Variants in ZNF782 observed in about 807,000 individuals in gnomAD.
ZNF782 encodes the protein zinc finger protein 782.
Under a neutral mutation model 13.0 loss-of-function variants are expected in ZNF782, and 12 were observed. That is an observed-to-expected ratio of 0.92 (90% CI 0.59 to 1.50). The LOEUF is 1.50. Among genes scored for constraint, ZNF782 ranks in the 40% most tolerant of loss-of-function variants. The pLI is 0.00. For missense variants in ZNF782, 770 were observed against 822.9 expected (o/e 0.94, Z 0.79); for synonymous variants, 284 against 283.0 (o/e 1.00, Z -0.04).
the ZNF782 span, chr9:96,895,770 C>T: frequency 1.3e-5 from 2 of 152,008 alleles, no homozygotes; most frequent in Admixed American, 6.6e-5. Context: ...TGCAGTGGGT[C>T]GTCTTGTTAT....
At chr9:96,881,702 T>C in the ZNF782 span, among the ~76,000 whole-genome samples, 1 of 152,148 alleles carries the variant, frequency 6.6e-6, no homozygotes, top group Non-Finnish European at 1.5e-5. Context: ...TTGGCACCTC[T>C]GTAGAAAATC....
intron 3 of ZNF782, among the ~76,000 whole-genome samples, chr9:96,847,623 T>A (rs1272154728): frequency 3.3e-5 from 5 of 152,086 alleles, no homozygotes; most frequent in Admixed American, 2.0e-4. Context: ...AGGAAGAAAC[T>A]GAAACCCTGA....
At chr9:96,848,826 C>T (rs1851413366) in intron 3 of ZNF782, among the ~76,000 whole-genome samples, 1 of 152,044 alleles carries the variant, frequency 6.6e-6, no homozygotes, top group African/African-American at 2.4e-5. Context: ...AAAAACAATC[C>T]TAAAATTCAT....
chr9:96,836,229 T>C (rs75967333), intron 4 of ZNF782, among the ~76,000 whole-genome samples: 1 of 151,906 alleles, frequency 6.6e-6, no homozygotes. Context: ...TTTTTTTTTT[T>C]TGAGACCAAG....
rs770587425 is a variant in ZNF782 at position 96,818,902 on chromosome 9, G to T, written c.1121C>A (p.Ser374Tyr). Reference sequence around the variant, plus strand: ...AATCAAGTGTGAATTCATAGAGCAGGATTTCCCACATTCATTATACTCATA... The same window carrying T: ...AATCAAGTGTGAATTCATAGAGCAGTATTTCCCACATTCATTATACTCATA... ...KPYEYNECGK[S>Y]CSMNSHLIWP... is the part of the protein sequence containing the mutation. The change falls in exon 6 of 6, where the codon TCC (serine) becomes TAC (tyrosine). Residue 374 changes from serine to tyrosine, a missense_variant. Coordinates refer to ENST00000481138, the MANE Select transcript of ZNF782 (RefSeq NM_001001662.3). 1.9e-6 allele frequency: 3 copies of T among 1,614,158 alleles called. No individual in the cohort carries two copies. In the Admixed American group the frequency reaches 5.0e-5, roughly 27 times the overall value.
chr9:96,884,408 C>A, the ZNF782 span, among the ~76,000 whole-genome samples: 1 of 152,220 alleles, frequency 6.6e-6, no homozygotes, highest in Non-Finnish European at 1.5e-5. Context: ...AACAACAAGG[C>A]AGAATAGAGT....
At chr9:96,925,501 G>A in the ZNF782 span, among the ~76,000 whole-genome samples, 1 of 151,944 alleles carries the variant, frequency 6.6e-6, no homozygotes, top group Non-Finnish European at 1.5e-5. Context: ...AGCCAGGCGT[G>A]GTGGCGCGCA....
rs780076342 is a variant in ZNF782 at position 96,818,474 on chromosome 9, G to A, written c.1549C>T (p.Leu517=). 20 of 1,613,174 alleles carry A rather than the reference G, an allele frequency of 1.2e-5. No individual in the cohort carries two copies. The highest frequency in any genetic ancestry group is 1.7e-5 in the Non-Finnish European group (20 of 1,179,746). Residue 517 remains leucine, a synonymous_variant, in exon 6 of 6, where the codon CTG becomes TTG. Transcript: ENST00000481138. The stretch of plus-strand genomic sequence containing the variant: ...TGATGTTTCCTCAGGCCTGACTTCA[G>A]TTTGAAAGCTTTCCCACATTCATCA... ...KCDECGKAFK[L]KSGLRKHHRT... is the part of the protein sequence containing the mutation.
chr9:96,832,150 GT>G (rs1391447557), intron 4 of ZNF782, among the ~76,000 whole-genome samples: 1 of 151,272 alleles, frequency 6.6e-6, no homozygotes, highest in Non-Finnish European at 1.5e-5. Context: ...ATTTAATGTA[GT>G]TTTTTTAGTG....
intron 1 of ZNF782, among the ~76,000 whole-genome samples, chr9:96,869,153 G>A (rs997907945): frequency 6.6e-6 from 1 of 151,828 alleles, no homozygotes; most frequent in Admixed American, 6.6e-5. Flanking sequence ...TTAGAAAAAT[G>A]AAAAGCTTCA....
At chr9:96,918,314 G>C in the ZNF782 span, among the ~76,000 whole-genome samples, 7 of 148,124 alleles carry the variant, frequency 4.7e-5, no homozygotes, top group African/African-American at 1.2e-4. Context: ...GGAAGCTGAG[G>C]GGGGAGAATT....
chr9:96,912,916 C>A, the ZNF782 span, among the ~76,000 whole-genome samples: 1 of 151,516 alleles, frequency 6.6e-6, no homozygotes, highest in Non-Finnish European at 1.5e-5. Flanking sequence ...CAACAATAAA[C>A]AGGAATTTTA....
intron 3 of ZNF782, among the ~76,000 whole-genome samples, chr9:96,849,978 G>A (rs578118593): frequency 6.6e-6 from 1 of 152,268 alleles, no homozygotes; most frequent in African/African-American, 2.4e-5. Context: ...ACTCCTGCAA[G>A]AATGGCCCTT....
the ZNF782 span, among the ~76,000 whole-genome samples, chr9:96,931,457 G>A: frequency 5.3e-5 from 8 of 151,798 alleles, no homozygotes; most frequent in East Asian, 9.8e-4. Context: ...AGGGACACCC[G>A]AGGGAGACCC....
the ZNF782 span, among the ~76,000 whole-genome samples, chr9:96,882,627 C>T: frequency 6.6e-6 from 1 of 152,030 alleles, no homozygotes; most frequent in Non-Finnish European, 1.5e-5. Context: ...AATATCAAGC[C>T]TCTAATTGAA....
At chr9:96,855,901 C>T (rs1003556491), upstream of ZNF782, among the ~76,000 whole-genome samples, 5 of 152,206 alleles carry the variant, frequency 3.3e-5, no homozygotes, top group Non-Finnish European at 7.3e-5. Context: ...CTGTTCACTG[C>T]AGCCATGCCA....
intron 4 of ZNF782, among the ~76,000 whole-genome samples, chr9:96,827,721 G>A (rs888713905): frequency 1.3e-5 from 2 of 152,150 alleles, no homozygotes; most frequent in Non-Finnish European, 2.9e-5. Flanking sequence ...GATTTCATAA[G>A]GACTTCCATA....
Position 96,844,968 on chromosome 9 carries a change from ACTC to A in ZNF782, c.61_63del (p.Glu21del). ...CTCTCAACAGGGCCCATGTGCTGCC[ACTC>A]CTCCTGGCTGAATTCCACAGTCACG... On this transcript the variant is annotated inframe_deletion, in exon 4 of 6. Transcript: ENST00000481138. The A allele has an allele frequency of 1.9e-6, 3 of 1,613,588 alleles. No individual in the cohort carries two copies. The highest frequency in any genetic ancestry group is 2.5e-6 in the Non-Finnish European group (3 of 1,179,868).
At position 96,827,037 on chromosome 9, in the gene ZNF782, A is replaced by G. The variant is rs776195391; in HGVS notation, c.244+43T>C. ...TACGCTGAGTTGTGTGAGTACTCCT[A>G]GTGAATCAGAGAACCTTCTTCTTGT... is the stretch of plus-strand genomic sequence containing the variant. On this transcript the variant is annotated intron_variant, in intron 5 of 5. Transcript: ENST00000481138. 6.1e-6 allele frequency: 8 copies of G among 1,317,748 alleles called. No individual in the cohort carries two copies. The East Asian group carries it at 1.6e-4, about 27-fold the overall frequency. 81.6% of individuals were successfully genotyped at this position (1,317,748 alleles called of 1,614,324 possible). A position where few individuals can be genotyped will look rare whatever the true frequency, so the allele number is the denominator to read the frequency against.
Sources: gnomAD v4.1 joint callset for allele counts (sites outside exome capture counted in the v4.1 genomes callset) on GRCh38, gnomAD v4.1.1 for gene constraint, MANE v1.5 for transcripts, NCBI Gene and HGNC (gene_info 2026-07-23, HGNC 2026-07-21) for gene names.